Variants in VWF observed in about 807,000 individuals in gnomAD.
The protein encoded by VWF is Factor VIII related antigen.
Under a neutral mutation model 308.6 loss-of-function variants are expected in VWF, and 176 were observed. That is an observed-to-expected ratio of 0.57 (90% confidence interval 0.50 to 0.65). VWF has a LOEUF of 0.65. Among genes scored for constraint, VWF ranks in the 30% least tolerant of loss-of-function variants. The probability of loss-of-function intolerance (pLI) is 0.00; values close to 1 mark genes in which losing one functional copy is unlikely to be tolerated. For missense variants in VWF, 3,146 were observed against 3,648.2 expected (o/e 0.86, Z 3.55); for synonymous variants, 1,385 against 1,443.4 (o/e 0.96, Z 0.92).
At position 6,016,615 on chromosome 12, in the gene VWF, T is replaced by C. The variant is rs745681357; in HGVS notation, c.5212A>G (p.Ile1738Val). 2 of 1,614,196 alleles carry C rather than the reference T, an allele frequency of 1.2e-6. No homozygotes were observed. The highest frequency in any genetic ancestry group is 1.7e-6 in the Non-Finnish European group (2 of 1,180,044). ...TQVSVLQYGS[I>V]TTIDVPWNVV... ...TTCCATGGCACGTCAATGGTGGTGA[T>C]GCTTCCATACTGCAGCACTGACACC... The change falls in exon 30 of 52, where the codon ATC (isoleucine) becomes GTC (valine). Residue 1738 changes from isoleucine (I) to valine (V), a missense_variant. Ile to Val is a conservative substitution (Grantham distance 29). Transcript: ENST00000261405.
intron 5 of VWF, among the ~76,000 whole-genome samples, chr12:6,108,407 T>C (rs977596200): frequency 3.6e-5 from 5 of 138,544 alleles, no homozygotes; most frequent in African/African-American, 1.3e-4. Flanking sequence ...AAGTGACAAA[T>C]TCACCACCAT....
intron 38 of VWF, among the ~76,000 whole-genome samples, chr12:5,987,224 G>A (rs944530253): frequency 3.1e-4 from 47 of 152,044 alleles, no homozygotes; most frequent in African/African-American, 1.1e-3. Context: ...CACTATGCCC[G>A]GCCCAAATCC....
Position 6,058,164 on chromosome 12 carries a change from A to C in VWF, c.1534-120T>G. ...TTCCCCGGGTGAAACATAAATATGA[A>C]TGTAATAAAAGGCAGCTAAGCCCTA... is the stretch of plus-strand genomic sequence containing the variant. On this transcript the variant is annotated intron_variant, in intron 13 of 51. Transcript: ENST00000261405. The surrounding 1 kb of genome is among the most constrained non-coding windows in gnomAD (Gnocchi z 4.9). 5.0e-6 allele frequency: 6 copies of C among 1,188,740 alleles called. No homozygotes were observed. Among genetic ancestry groups the C allele is most frequent in the Non-Finnish European group, 3.5e-6 (3 of 854,808 alleles). 73.6% of individuals were successfully genotyped at this position (1,188,740 alleles called of 1,614,324 possible).
chr12:6,077,161 T>G (rs950282135), intron 6 of VWF, among the ~76,000 whole-genome samples: 2 of 152,084 alleles, frequency 1.3e-5, no homozygotes, highest in Non-Finnish European at 2.9e-5. Flanking sequence ...AATATAAAAC[T>G]TAGTGGGGCG....
intron 43 of VWF, among the ~76,000 whole-genome samples, chr12:5,973,245 C>T (rs548233930): frequency 2.6e-5 from 4 of 152,306 alleles, no homozygotes; most frequent in East Asian, 1.9e-4. Context: ...TCGCTTATAT[C>T]GACATTTGAT....
chr12:6,103,179 T>C (rs1230152615), intron 5 of VWF, among the ~76,000 whole-genome samples: 1 of 151,652 alleles, frequency 6.6e-6, no homozygotes, highest in Admixed American at 6.6e-5. Context: ...ATACAAAAAA[T>C]TAGCCGGGTG....
chr12:6,073,314 T>C (rs928833686), intron 8 of VWF, among the ~76,000 whole-genome samples: 8 of 152,138 alleles, frequency 5.3e-5, no homozygotes, highest in Non-Finnish European at 8.8e-5. Context: ...ACACACCTAA[T>C]TGAGAAAACA....
intron 47 of VWF, among the ~76,000 whole-genome samples, chr12:5,964,229 T>C (rs978878744): frequency 6.9e-6 from 1 of 144,736 alleles, no homozygotes; most frequent in Non-Finnish European, 1.5e-5. Context: ...AATACATACA[T>C]ACATACATAC....
intron 16 of VWF, among the ~76,000 whole-genome samples, chr12:6,050,757 C>T (rs1009059015): frequency 2.6e-5 from 4 of 152,188 alleles, no homozygotes; most frequent in Middle Eastern, 3.4e-3. Flanking sequence ...GTCAGGAGTT[C>T]GAGACCAGCC....
Position 5,958,796 on chromosome 12 carries a change from G to T in VWF, c.7888-5202C>A, listed in dbSNP as rs1424068987. On this transcript the variant is annotated intron_variant, in intron 47 of 51. Transcript: ENST00000261405. ...ATTTGATCCCTCTGCTTGGATAAAT[G>T]ATAGTAGATACCATATATGTTGAAT... Among the ~76,000 whole-genome samples the T allele has an allele frequency of 2.0e-5, 3 of 152,214 alleles. No individual in the cohort carries two copies. In the East Asian group the frequency reaches 5.8e-4, roughly 29 times the overall value.
At position 6,063,247 on chromosome 12, in the gene VWF, C is replaced by T. The variant is rs1433169864; in HGVS notation, c.1433-193G>A. Among the ~76,000 whole-genome samples the T allele has an allele frequency of 2.0e-5, 3 of 152,140 alleles. No individual in the cohort carries two copies. The highest frequency in any genetic ancestry group is 2.9e-5 in the Non-Finnish European group (2 of 68,014). On this transcript the variant is annotated intron_variant, in intron 12 of 51. Coordinates refer to ENST00000261405, the MANE Select transcript of VWF (RefSeq NM_000552.5). The surrounding 1 kb of genome is among the most constrained non-coding windows in gnomAD (Gnocchi z 4.9). Reference sequence around the variant, plus strand: ...AAGGGTGATCAAGGTGGACAGAGCGCAAATAGGGTCCCCCAGGAAGAAGCC... The same window carrying T: ...AAGGGTGATCAAGGTGGACAGAGCGTAAATAGGGTCCCCCAGGAAGAAGCC...
At chr12:6,039,858 AC>A (rs1944378456) in intron 18 of VWF, among the ~76,000 whole-genome samples, 1 of 152,046 alleles carries the variant, frequency 6.6e-6, no homozygotes, top group Non-Finnish European at 1.5e-5. Context: ...GGACATAACC[AC>A]ACTTCTCGCC....
chr12:6,092,632 T>TGAGAGAGA (rs1430723950), intron 6 of VWF, among the ~76,000 whole-genome samples: 1 of 66,010 alleles, frequency 1.5e-5, no homozygotes, highest in Non-Finnish European at 2.8e-5. Context: ...TGTGTGTGTG[T>TGAGAGAGA]GTGTGTGTGT....
chr12:5,994,225 A>G (rs374408865), intron 36 of VWF, 22 bp from the exon 37 acceptor site: 6 of 1,613,562 alleles, frequency 3.7e-6, no homozygotes, highest in South Asian at 1.1e-5. Context: ...AACAAACAAA[A>G]AAAAGATAAA....
chr12:5,954,543 G>A (rs1031845432), intron 47 of VWF, among the ~76,000 whole-genome samples: 6 of 152,184 alleles, frequency 3.9e-5, no homozygotes, highest in African/African-American at 1.4e-4. Flanking sequence ...GCAGAAAACT[G>A]TAGTTGTATC....
chr12:5,967,587 TCA>T lies in VWF; in HGVS notation c.7784_7785del (p.Val2595AspfsTer41). On this transcript the variant is annotated frameshift_variant, in exon 47 of 52. Coordinates refer to ENST00000261405, the MANE Select transcript of VWF (RefSeq NM_000552.5). LOFTEE classifies it high-confidence loss of function. ...NGTVIGPGKT[V>X]MIDVCTTCRC... Reference sequence around the variant, plus strand: ...CGGCAGGTCGTGCACACATCGATCATCACAGTCTTCCCGGGCTGGAAGCAGAG... The same window carrying T: ...CGGCAGGTCGTGCACACATCGATCATCAGTCTTCCCGGGCTGGAAGCAGAG... 1 of 1,613,834 alleles carries T rather than the reference TCA, an allele frequency of 6.2e-7. No homozygotes were observed.
chr12:5,983,420 T>TAGATAGATAGAA (rs1422270242), intron 40 of VWF, among the ~76,000 whole-genome samples, 166 bp from the exon 41 acceptor site: 1 of 151,874 alleles, frequency 6.6e-6, no homozygotes, highest in African/African-American at 2.4e-5. Flanking sequence ...GATAGATAGA[T>TAGATAGATAGAA]AGATAGATAG....
Position 6,020,007 on chromosome 12 carries a change from T to C in VWF, c.3675-264A>G, listed in dbSNP as rs1450722525. On this transcript the variant is annotated intron_variant, in intron 27 of 51. Coordinates refer to ENST00000261405, the MANE Select transcript of VWF (RefSeq NM_000552.5). This position sits in a 1 kb window ranked among gnomAD's most constrained non-coding sequence, Gnocchi z 4.3. ...CAAAGCTTTAGCCCATCCTAGGATA[T>C]GAAAAAATATACTCGTTGTTCTAGG... is the stretch of plus-strand genomic sequence containing the variant. Among the ~76,000 whole-genome samples the C allele has an allele frequency of 6.6e-6, 1 of 152,200 alleles. No individual in the cohort carries two copies. The highest frequency in any genetic ancestry group is 1.9e-4 in the East Asian group (1 of 5,192).
chr12:6,084,838 A>G (rs1944950794), intron 6 of VWF, among the ~76,000 whole-genome samples: 1 of 150,076 alleles, frequency 6.7e-6, no homozygotes, highest in South Asian at 2.1e-4. Context: ...ACCCTGCAGC[A>G]GGGAATACTT....
Sources: gnomAD v4.1 joint callset for allele counts (sites outside exome capture counted in the v4.1 genomes callset) on GRCh38, gnomAD v4.1.1 for gene constraint, Gnocchi (gnomAD v3.1) non-coding constraint, MANE v1.5 for transcripts, NCBI Gene and HGNC (gene_info 2026-07-23, HGNC 2026-07-21) for gene names.